MAN2A1: variants seen among roughly 807,000 people sequenced by gnomAD.
MAN2A1 encodes the protein alpha-mannosidase 2.
In MAN2A1, 76 loss-of-function variants were observed where a neutral mutation model predicts 142.6. The ratio of observed to expected loss-of-function variants is 0.53; its 90% CI spans 0.44 to 0.65. The LOEUF (loss-of-function observed/expected upper bound fraction) is 0.65. Ranked by LOEUF, MAN2A1 falls within the 30% of genes least tolerant of loss-of-function variation. MAN2A1 has a pLI of 0.00. For missense variants in MAN2A1, 1,311 were observed against 1,365.1 expected (o/e 0.96, Z 0.62); for synonymous variants, 559 against 473.2 (o/e 1.18, Z -2.35).
At chr5:109,837,225 A>G (rs1412564063) in intron 16 of MAN2A1, among the ~76,000 whole-genome samples, 2 of 151,148 alleles carry the variant, frequency 1.3e-5, no homozygotes, top group East Asian at 1.9e-4. Context: ...AATATTAAAT[A>G]TGTATTACTT....
intron 3 of MAN2A1, among the ~76,000 whole-genome samples, chr5:109,718,069 A>G (rs999793764): frequency 6.6e-6 from 1 of 152,198 alleles, no homozygotes; most frequent in African/African-American, 2.4e-5. Flanking sequence ...ATTGAGTGAA[A>G]TGGTGGCAGA....
intron 5 of MAN2A1, among the ~76,000 whole-genome samples, chr5:109,758,758 T>G (rs1033884168): frequency 2.0e-5 from 3 of 150,420 alleles, no homozygotes; most frequent in African/African-American, 7.3e-5. Context: ...TAATTTTTAG[T>G]TAATATTTGT....
intron 15 of MAN2A1, 53 bp downstream of exon 15, chr5:109,820,395 T>G: frequency 1.3e-6 from 2 of 1,522,222 alleles, no homozygotes; most frequent in Non-Finnish European, 1.8e-6. Flanking sequence ...TGAAAGAGTA[T>G]TGAGGAAAAA....
intron 12 of MAN2A1, chr5:109,794,316 C>T (rs984511032): frequency 4.6e-5 from 7 of 152,142 alleles, no homozygotes; most frequent in South Asian, 2.1e-4. Flanking sequence ...GAAGTGTTAG[C>T]TGCGATAATT....
At chr5:109,825,900 C>CTTT (rs869069525) in intron 16 of MAN2A1, among the ~76,000 whole-genome samples, 29 of 92,186 alleles carry the variant, frequency 3.1e-4, no homozygotes, top group African/African-American at 5.2e-4. Flanking sequence ...TCTTTCCTTC[C>CTTT]TTTTTTTTTT....
At chr5:109,770,266 T>A (rs1455994612) in intron 6 of MAN2A1, 89 bp from the exon 7 acceptor site, 3 of 1,224,160 alleles carry the variant, frequency 2.5e-6, no homozygotes, top group Admixed American at 2.0e-5. Context: ...TAAATCAGCA[T>A]TACTTTGTGT....
chr5:109,865,389 A>T, intron 21 of MAN2A1: 1 of 465,004 alleles, frequency 2.2e-6, no homozygotes, highest in Non-Finnish European at 3.9e-6. Flanking sequence ...TGCTCTTGTT[A>T]TTTCCTAGGC....
At chr5:109,807,734 C>G (rs1285038346) in intron 12 of MAN2A1, among the ~76,000 whole-genome samples, 1 of 152,110 alleles carries the variant, frequency 6.6e-6, no homozygotes, top group Non-Finnish European at 1.5e-5. Context: ...TCTTTTCTGC[C>G]ATATAAGGTA....
intron 1 of MAN2A1, among the ~76,000 whole-genome samples, chr5:109,708,102 G>A (rs1413352712): frequency 1.3e-5 from 2 of 152,144 alleles, no homozygotes; most frequent in Non-Finnish European, 2.9e-5. Flanking sequence ...CTAACATTTA[G>A]AGCTTGGGAG....
intron 4 of MAN2A1, among the ~76,000 whole-genome samples, chr5:109,736,520 A>G (rs1752103950): frequency 6.6e-6 from 1 of 152,142 alleles, no homozygotes; most frequent in African/African-American, 2.4e-5. Context: ...GGAACTCTAA[A>G]AAAAAAGTTT....
At chr5:109,746,226 T>G (rs1166089974) in intron 4 of MAN2A1, among the ~76,000 whole-genome samples, 1 of 152,316 alleles carries the variant, frequency 6.6e-6, no homozygotes, top group African/African-American at 2.4e-5. Flanking sequence ...CTGGCAGCCT[T>G]GGCTTCCCAA....
chr5:109,816,164 A>G (rs1754452355), intron 12 of MAN2A1, among the ~76,000 whole-genome samples: 1 of 152,210 alleles, frequency 6.6e-6, no homozygotes. Context: ...CTCAACTGAG[A>G]ATTATTTGAA....
intron 7 of MAN2A1, 100 bp downstream of exon 7, chr5:109,770,641 T>G: frequency 1.9e-6 from 2 of 1,043,602 alleles, no homozygotes; most frequent in Non-Finnish European, 2.8e-6. Context: ...TTAGCCAACA[T>G]TATCCTTGTT....
intron 4 of MAN2A1, among the ~76,000 whole-genome samples, chr5:109,748,863 G>A (rs1752474219): frequency 6.6e-6 from 1 of 151,520 alleles, no homozygotes; most frequent in African/African-American, 2.4e-5. Context: ...TATACAGTGA[G>A]TTTCTCCTAT....
rs1053521033 is a variant in MAN2A1 at position 109,690,260 on chromosome 5, T to C, written c.-158T>C. On this transcript the variant is annotated 5_prime_UTR_variant, in exon 1 of 22. Transcript: ENST00000261483. ...AAGGGCGTGTGGTGGCGCCGGAGAC[T>C]AGGTGCGGAGCAAGGCGGGGACTCG... The C allele has an allele frequency of 1.4e-6, 1 of 697,968 alleles. No homozygotes were observed. The highest frequency in any genetic ancestry group is 2.5e-6 in the Non-Finnish European group (1 of 403,684). 43.2% of individuals were successfully genotyped at this position (697,968 alleles called of 1,614,324 possible). A position where few individuals can be genotyped will look rare whatever the true frequency, so the allele number is the denominator to read the frequency against.
intron 2 of MAN2A1, among the ~76,000 whole-genome samples, 170 bp downstream of exon 2, chr5:109,713,944 T>C (rs1751379664): frequency 6.6e-6 from 1 of 152,194 alleles, no homozygotes; most frequent in Non-Finnish European, 1.5e-5. Flanking sequence ...TTCTGTTTAG[T>C]GATAAAATTC....
intron 5 of MAN2A1, among the ~76,000 whole-genome samples, chr5:109,758,797 A>G (rs1198825453): frequency 6.6e-6 from 1 of 150,730 alleles, no homozygotes; most frequent in Non-Finnish European, 1.5e-5. Flanking sequence ...TTTCATATTT[A>G]TTTTTTTTGC....
At chr5:109,785,412 A>C (rs1253395165) in intron 10 of MAN2A1, among the ~76,000 whole-genome samples, 1 of 152,026 alleles carries the variant, frequency 6.6e-6, no homozygotes, top group Non-Finnish European at 1.5e-5. Flanking sequence ...CAGGAAGGAA[A>C]AAGACCTATA....
At chr5:109,740,616 C>CA (rs1752240384) in intron 4 of MAN2A1, among the ~76,000 whole-genome samples, 1 of 152,286 alleles carries the variant, frequency 6.6e-6, no homozygotes, top group East Asian at 1.9e-4. Context: ...GAGGGGGACT[C>CA]ACACAAGTGC....
Sources: allele counts gnomAD v4.1 joint callset (sites outside exome capture counted in the v4.1 genomes callset), GRCh38; gene constraint gnomAD v4.1.1; transcripts MANE v1.5; gene names NCBI Gene and HGNC (gene_info 2026-07-23, HGNC 2026-07-21).